Variants in FGF12 observed in about 807,000 individuals in gnomAD.
FGF12 encodes the protein fibroblast growth factor 12.
Under a neutral mutation model 23.6 loss-of-function variants are expected in FGF12, and 14 were observed. The observed-to-expected ratio is 0.59, with a 90% confidence interval of 0.39 to 0.93. The LOEUF (loss-of-function observed/expected upper bound fraction) is 0.93, where lower values mean the gene tolerates loss of function less well. Among genes scored for constraint, FGF12 ranks in the 40% least tolerant of loss-of-function variants. The probability of loss-of-function intolerance (pLI) is 0.00; values close to 1 mark genes in which losing one functional copy is unlikely to be tolerated. For synonymous variants in FGF12, 62 were observed against 77.3 expected (o/e 0.80, Z 1.04); for missense variants, 175 against 217.8 (o/e 0.80, Z 1.24).
At chr3:192,357,066 T>G (rs971776586) in intron 3 of FGF12, among the ~76,000 whole-genome samples, 4 of 152,250 alleles carry the variant, frequency 2.6e-5, no homozygotes, top group African/African-American at 9.6e-5. Context: ...GTCAATTTTC[T>G]GATGTTGATC....
chr3:192,480,727 T>C (rs1173204909), intron 2 of FGF12, among the ~76,000 whole-genome samples: 6 of 152,162 alleles, frequency 3.9e-5, no homozygotes, highest in African/African-American at 9.7e-5. Context: ...ACCAGCAATA[T>C]GGAACACAGC....
intron 4 of FGF12, among the ~76,000 whole-genome samples, chr3:192,330,715 CAAA>C (rs1364480047): frequency 6.7e-6 from 1 of 150,306 alleles, no homozygotes; most frequent in Admixed American, 6.6e-5. Context: ...AAACAAAAAA[CAAA>C]ACAACAACAA....
intron 2 of FGF12, among the ~76,000 whole-genome samples, chr3:192,617,599 C>G (rs1463246209): frequency 6.6e-6 from 1 of 152,116 alleles, no homozygotes; most frequent in Admixed American, 6.6e-5. Context: ...CAATCCCTCT[C>G]AAACTTACAT....
intron 2 of FGF12, among the ~76,000 whole-genome samples, chr3:192,663,565 G>A (rs866153848): frequency 6.6e-6 from 1 of 152,126 alleles, no homozygotes; most frequent in Admixed American, 6.6e-5. Context: ...TCATCTCTCT[G>A]GGGGTAGCTT....
At chr3:192,727,417 G>T in intron 1 of FGF12, 67 bp downstream of exon 1, 1 of 1,339,072 alleles carries the variant, frequency 7.5e-7, no homozygotes, top group African/African-American at 1.5e-5. Context: ...GGGATACGTT[G>T]CGACGCGCAT....
At chr3:192,690,291 T>C (rs1367020581) in intron 2 of FGF12, among the ~76,000 whole-genome samples, 2 of 151,990 alleles carry the variant, frequency 1.3e-5, no homozygotes, top group East Asian at 3.8e-4. Context: ...TGTAAGTTGC[T>C]TATAGTGCCA....
intron 4 of FGF12, among the ~76,000 whole-genome samples, chr3:192,226,790 T>C (rs1182929674): frequency 6.6e-6 from 1 of 152,096 alleles, no homozygotes; most frequent in African/African-American, 2.4e-5. Flanking sequence ...TTAAATGTTA[T>C]CACCACAAAA....
chr3:192,641,740 C>T (rs1365361020), intron 2 of FGF12, among the ~76,000 whole-genome samples: 1 of 152,120 alleles, frequency 6.6e-6, no homozygotes, highest in East Asian at 1.9e-4. Flanking sequence ...GAAAAGAAAA[C>T]GTTTTTGATT....
intron 2 of FGF12, among the ~76,000 whole-genome samples, chr3:192,611,423 C>T (rs1248652256): frequency 1.3e-5 from 2 of 152,078 alleles, no homozygotes; most frequent in Non-Finnish European, 2.9e-5. Flanking sequence ...GCATGTTTTA[C>T]GGGTGTGTTC....
Position 192,151,062 on chromosome 3 carries a change from T to G in FGF12, c.428-6935A>C, listed in dbSNP as rs1253921356. On this transcript the variant is annotated intron_variant, in intron 5 of 5. Coordinates refer to ENST00000445105, the MANE Select transcript of FGF12 (RefSeq NM_004113.6). Reference sequence around the variant, plus strand: ...TTGTAAGTTGGATTCCTAGGTATTTTATTCTCTTTGAAGCAATTGTGAATG... The same window carrying G: ...TTGTAAGTTGGATTCCTAGGTATTTGATTCTCTTTGAAGCAATTGTGAATG... Among the ~76,000 whole-genome samples the G allele has an allele frequency of 3.4e-5, 5 of 145,670 alleles. No homozygotes were observed. The South Asian group carries it at 1.1e-3, about 33-fold the overall frequency.
At chr3:192,429,742 G>A (rs980792095) in intron 2 of FGF12, among the ~76,000 whole-genome samples, 5 of 152,088 alleles carry the variant, frequency 3.3e-5, no homozygotes, top group Non-Finnish European at 7.4e-5. Context: ...ATGAGGTAAG[G>A]TAGGTAACAA....
intron 2 of FGF12, among the ~76,000 whole-genome samples, chr3:192,700,587 C>G (rs1258731848): frequency 6.6e-6 from 1 of 152,094 alleles, no homozygotes; most frequent in Non-Finnish European, 1.5e-5. Flanking sequence ...GCATTTGAGG[C>G]CACAAAAGAG....
intron 2 of FGF12, among the ~76,000 whole-genome samples, chr3:192,606,547 T>C (rs1253201288): frequency 1.3e-5 from 2 of 152,118 alleles, no homozygotes; most frequent in Admixed American, 6.6e-5. Flanking sequence ...TTTAAAATAA[T>C]AATAATAAAT....
chr3:192,460,939 C>G (rs1389744334), intron 2 of FGF12, among the ~76,000 whole-genome samples: 1 of 151,902 alleles, frequency 6.6e-6, no homozygotes, highest in Non-Finnish European at 1.5e-5. Context: ...GTGTTTGCAC[C>G]TTTCTTTTTT....
chr3:192,153,060 A>G (rs1169445092), intron 5 of FGF12, among the ~76,000 whole-genome samples: 1 of 73,594 alleles, frequency 1.4e-5, no homozygotes, highest in Non-Finnish European at 2.9e-5. Flanking sequence ...TCCCTTTACC[A>G]TTATGTAATG....
intron 2 of FGF12, among the ~76,000 whole-genome samples, chr3:192,689,088 T>C (rs151040192): frequency 1.3e-5 from 2 of 152,210 alleles, no homozygotes; most frequent in Admixed American, 1.3e-4. Context: ...AAGGGGTATA[T>C]GGATGTTGGC....
intron 2 of FGF12, among the ~76,000 whole-genome samples, chr3:192,407,806 G>A (rs778369993): frequency 3.9e-5 from 6 of 152,196 alleles, no homozygotes; most frequent in African/African-American, 7.2e-5. Flanking sequence ...TCTTCTCCTG[G>A]TCAAACCCCG....
At chr3:192,521,542 T>G (rs372134236) in intron 2 of FGF12, 12 of 152,176 alleles carry the variant, frequency 7.9e-5, no homozygotes, top group African/African-American at 2.9e-4. Flanking sequence ...CAATTGCTCA[T>G]TAGTCAAAAC....
chr3:192,612,268 T>C (rs1233199798), intron 2 of FGF12, among the ~76,000 whole-genome samples: 2 of 152,016 alleles, frequency 1.3e-5, no homozygotes, highest in Non-Finnish European at 2.9e-5. Flanking sequence ...ATTTTTTTTA[T>C]ATTTTCTCCA....
Sources: gnomAD v4.1 joint callset for allele counts (sites outside exome capture counted in the v4.1 genomes callset) on GRCh38, gnomAD v4.1.1 for gene constraint, MANE v1.5 for transcripts, NCBI Gene and HGNC (gene_info 2026-07-23, HGNC 2026-07-21) for gene names.